The following TCTN3 variants were observed in gnomAD, a reference collection of about 807,000 sequenced individuals.
The protein encoded by TCTN3 is tectonic family member 3, also known as tectonic-3.
Under a neutral mutation model 71.3 loss-of-function variants are expected in TCTN3, and 57 were observed. The ratio of observed to expected loss-of-function variants is 0.80; its 90% CI spans 0.65 to 1.00. TCTN3 has a LOEUF of 1.00. Among genes scored for constraint, TCTN3 ranks in the 50% least tolerant of loss-of-function variants. The probability of loss-of-function intolerance (pLI) is 0.00; values close to 1 mark genes in which losing one functional copy is unlikely to be tolerated. For synonymous variants in TCTN3, 258 were observed against 267.8 expected, an observed-to-expected ratio of 0.96 and a Z score of 0.36; for missense variants, 696 against 719.9, an observed-to-expected ratio of 0.97 and a Z score of 0.38.
At chr10:95,667,607 G>C (rs1254512666) in intron 13 of TCTN3, among the ~76,000 whole-genome samples, 1 of 152,172 alleles carries the variant, frequency 6.6e-6, no homozygotes, top group Non-Finnish European at 1.5e-5. Flanking sequence ...TTAAGCCAGA[G>C]AAATTCTGGA....
chr10:95,681,491 G>A lies in TCTN3; in HGVS notation c.1453-882C>T, dbSNP rs1415102678. On this transcript the variant is annotated intron_variant, in intron 12 of 13. Coordinates refer to ENST00000371217, the MANE Select transcript of TCTN3 (RefSeq NM_015631.6). Reference sequence around the variant, plus strand: ...TAAAGGATTTGAATACAGGAGCAGTGTAAAGTCAAAGAAGATGATACGTAA... The same window carrying A: ...TAAAGGATTTGAATACAGGAGCAGTATAAAGTCAAAGAAGATGATACGTAA... Among the ~76,000 whole-genome samples the A allele has an allele frequency of 1.2e-4, 19 of 152,260 alleles. 2 individuals carry two copies. In the South Asian group the frequency reaches 2.5e-3, roughly 20 times the overall value.
At chr10:95,670,834 T>C (rs2097930441) in intron 13 of TCTN3, among the ~76,000 whole-genome samples, 1 of 151,954 alleles carries the variant, frequency 6.6e-6, no homozygotes, top group Admixed American at 6.6e-5. Flanking sequence ...AGCTAATTTT[T>C]TGATGTTTTG....
chr10:95,664,331 G>A (rs762235304), intron 13 of TCTN3, 31 bp from the exon 14 acceptor site: 13 of 1,583,734 alleles, frequency 8.2e-6, no homozygotes, highest in South Asian at 3.3e-5. Context: ...ACAGGTCAGC[G>A]CTTGGTACCC....
intron 11 of TCTN3, 58 bp downstream of exon 11, chr10:95,683,043 A>G: frequency 6.7e-7 from 1 of 1,485,746 alleles, no homozygotes; most frequent in South Asian, 1.2e-5. Flanking sequence ...TTACCATATC[A>G]ACATATTCCC....
chr10:95,693,802 G>A lies in TCTN3; in HGVS notation c.98C>T (p.Pro33Leu). 6.4e-7 allele frequency: 1 copy of A among 1,551,710 alleles called. No homozygotes were observed. The highest frequency in any genetic ancestry group is 8.7e-7 in the Non-Finnish European group (1 of 1,146,992). The stretch of plus-strand genomic sequence containing the variant: ...CCCTCGCTGCAGCTCCAAAGACGTG[G>A]GCACTGCCCCTGATGGGGAGGAAGA... The part of the protein sequence containing the change: ...QPSSSPSGAV[P>L]TSLELQRGTD... Residue 33 changes from proline (P) to leucine (L), a missense_variant, in exon 1 of 14, where the codon CCC becomes CTC. Coordinates refer to ENST00000371217, the MANE Select transcript of TCTN3 (RefSeq NM_015631.6).
At position 95,689,841 on chromosome 10, in the gene TCTN3, G is replaced by C. The variant is rs189016911; in HGVS notation, c.500-2122C>G. Among the ~76,000 whole-genome samples the C allele has an allele frequency of 1.2e-4, 19 of 152,298 alleles. 1 individual carries two copies. Among genetic ancestry groups the C allele is most frequent in the Non-Finnish European group, 2.9e-5 (2 of 68,030 alleles). On this transcript the variant is annotated intron_variant, in intron 3 of 13. Transcript: ENST00000371217. The stretch of plus-strand genomic sequence containing the variant: ...GAAATTTGGATCCTCAGAGGTAAAA[G>C]GGTAGCAAAAAGCCAGAGGGCCAGC...
intron 13 of TCTN3, among the ~76,000 whole-genome samples, chr10:95,671,988 T>C (rs1271017003): frequency 6.6e-6 from 1 of 152,188 alleles, no homozygotes; most frequent in East Asian, 1.9e-4. Flanking sequence ...TTTAAATATT[T>C]AGTTCAATGA....
At chr10:95,664,673 T>C (rs2097924265) in intron 13 of TCTN3, among the ~76,000 whole-genome samples, 1 of 152,232 alleles carries the variant, frequency 6.6e-6, no homozygotes, top group Admixed American at 6.5e-5. Context: ...GTGAAAGTAG[T>C]AGTAGCAATT....
intron 12 of TCTN3, among the ~76,000 whole-genome samples, chr10:95,681,702 G>A (rs2097943181): frequency 6.6e-6 from 1 of 152,088 alleles, no homozygotes; most frequent in Non-Finnish European, 1.5e-5. Context: ...GTAAATAATT[G>A]TAAAAATGTA....
chr10:95,687,504 AG>A (rs2097949537), intron 4 of TCTN3, 87 bp downstream of exon 4: 21 of 1,573,992 alleles, frequency 1.3e-5, no homozygotes, highest in Non-Finnish European at 1.8e-5. Context: ...AGCTAGCTGC[AG>A]GGTAGTGCTG....
chr10:95,680,125 T>TGTCA (rs1191204769), intron 13 of TCTN3, among the ~76,000 whole-genome samples: 1 of 152,230 alleles, frequency 6.6e-6, no homozygotes, highest in Non-Finnish European at 1.5e-5. Context: ...GACTCACATA[T>TGTCA]AACTGTGTGG....
chr10:95,686,967 C>G, intron 6 of TCTN3, 77 bp downstream of exon 6: 1 of 1,302,132 alleles, frequency 7.7e-7, no homozygotes, highest in South Asian at 1.3e-5. Flanking sequence ...ATGCTCTTTC[C>G]ACAACCCACA....
intron 13 of TCTN3, among the ~76,000 whole-genome samples, chr10:95,677,474 G>GTTTT (rs10654251): frequency 0.012 from 955 of 80,384 alleles, 114 homozygotes; most frequent in Non-Finnish European, 0.023. Flanking sequence ...GAAGTCTACA[G>GTTTT]TTTTTTTTGT....
intron 3 of TCTN3, among the ~76,000 whole-genome samples, chr10:95,692,546 G>A (rs1305833828): frequency 6.8e-6 from 1 of 147,494 alleles, no homozygotes; most frequent in East Asian, 2.0e-4. Context: ...TAATAAGAGA[G>A]AAGAGGCAGA....
At chr10:95,670,185 A>G (rs1413877721) in intron 13 of TCTN3, among the ~76,000 whole-genome samples, 1 of 152,038 alleles carries the variant, frequency 6.6e-6, no homozygotes, top group Non-Finnish European at 1.5e-5. Context: ...TTTATTAACA[A>G]ATGTTTCAAA....
chr10:95,683,065 G>A lies in TCTN3; in HGVS notation c.1298+36C>T, dbSNP rs373899174. 131 of 1,573,120 alleles carry A rather than the reference G, an allele frequency of 8.3e-5. 1 individual carries two copies. Among genetic ancestry groups the A allele is most frequent in the Non-Finnish European group, 9.8e-5 (112 of 1,145,256 alleles). On this transcript the variant is annotated intron_variant, in intron 11 of 13. Coordinates refer to ENST00000371217, the MANE Select transcript of TCTN3 (RefSeq NM_015631.6). ...ATCAACATATTCCCTACATATTCCC[G>A]AAATTGCAGGAAATGATGCGGAAGC...
Position 95,685,544 on chromosome 10 carries a change from C to A in TCTN3, c.969+12G>T. 6.5e-7 allele frequency: 1 copy of A among 1,546,488 alleles called. No homozygotes were observed. The highest frequency in any genetic ancestry group is 1.2e-5 in the South Asian group (1 of 83,902). ...CACACATCAGTCCAGAATCTGAGGT[C>A]AGTATCCCTACCTGAGAAACTACAT... is the stretch of plus-strand genomic sequence containing the variant. On this transcript the variant is annotated intron_variant, in intron 8 of 13. Transcript: ENST00000371217.
At chr10:95,673,056 A>G (rs561187323) in intron 13 of TCTN3, among the ~76,000 whole-genome samples, 1 of 152,188 alleles carries the variant, frequency 6.6e-6, no homozygotes, top group East Asian at 1.9e-4. Context: ...TTTATTTGTA[A>G]AAGGTCTTTT....
At chr10:95,684,370 C>T (rs1400038949) in intron 9 of TCTN3, 129 bp downstream of exon 9, 3 of 1,119,204 alleles carry the variant, frequency 2.7e-6, no homozygotes, top group Non-Finnish European at 2.5e-6. Flanking sequence ...AATGTTGAGG[C>T]CTCAATCGAC....
Sources: allele counts gnomAD v4.1 joint callset (sites outside exome capture counted in the v4.1 genomes callset), GRCh38; gene constraint gnomAD v4.1.1; transcripts MANE v1.5; gene names NCBI Gene and HGNC (gene_info 2026-07-23, HGNC 2026-07-21).